PRKAR2A: variants seen among roughly 807,000 people sequenced by gnomAD.
PRKAR2A encodes the protein protein kinase cAMP-dependent type II regulatory subunit alpha, also known as cAMP-dependent protein kinase type II-alpha regulatory subunit.
In PRKAR2A, 29 loss-of-function variants were observed where a neutral mutation model predicts 51.9. The observed-to-expected ratio is 0.56, with a 90% CI of 0.42 to 0.76. PRKAR2A has a LOEUF of 0.76. Among genes scored for constraint, PRKAR2A ranks in the 30% least tolerant of loss-of-function variants. The pLI is 0.00. For synonymous variants in PRKAR2A, 178 were observed against 186.2 expected, an observed-to-expected ratio of 0.96 and a Z score of 0.36; for missense variants, 445 against 512.1, an observed-to-expected ratio of 0.87 and a Z score of 1.26.
intron 1 of PRKAR2A, among the ~76,000 whole-genome samples, chr3:48,839,161 G>A (rs922498766): frequency 1.3e-5 from 2 of 151,932 alleles, no homozygotes; most frequent in Admixed American, 6.6e-5. Context: ...GGTGACACGC[G>A]CCTGTAATCC....
intron 5 of PRKAR2A, among the ~76,000 whole-genome samples, chr3:48,773,926 C>T (rs371288031): frequency 1.3e-5 from 2 of 148,746 alleles, no homozygotes; most frequent in South Asian, 2.2e-4. Flanking sequence ...ATCCTCTCAC[C>T]TCAGCCCCCT....
chr3:48,820,246 A>G (rs1449559161), intron 1 of PRKAR2A, among the ~76,000 whole-genome samples: 1 of 152,226 alleles, frequency 6.6e-6, no homozygotes, highest in Non-Finnish European at 1.5e-5. Context: ...TCATACATGC[A>G]TTTTGGAAAG....
At chr3:48,746,193 A>G (rs534608957), downstream of PRKAR2A, among the ~76,000 whole-genome samples, 3 of 152,026 alleles carry the variant, frequency 2.0e-5, no homozygotes, top group African/African-American at 4.8e-5. Context: ...GCCCACCTCC[A>G]TAACTGTGTG....
chr3:48,828,432 T>G (rs2107428198), intron 1 of PRKAR2A, among the ~76,000 whole-genome samples: 1 of 152,168 alleles, frequency 6.6e-6, no homozygotes, highest in African/African-American at 2.4e-5. Flanking sequence ...AAAAATATTT[T>G]GCTGGATGGG....
chr3:48,781,135 TA>T (rs2082189412), intron 5 of PRKAR2A, among the ~76,000 whole-genome samples: 2 of 144,564 alleles, frequency 1.4e-5, no homozygotes, highest in Non-Finnish European at 3.0e-5. Flanking sequence ...CATGCCTGGC[TA>T]ATTTTTTTTT....
intron 1 of PRKAR2A, among the ~76,000 whole-genome samples, chr3:48,823,719 G>A (rs1037977139): frequency 2.0e-5 from 3 of 147,842 alleles, no homozygotes; most frequent in Non-Finnish European, 3.0e-5. Context: ...CTGGGAGGTC[G>A]AGGCTGCTGC....
At position 48,752,364 on chromosome 3, in the gene PRKAR2A, C is replaced by G. The variant is rs2081664235; in HGVS notation, c.940-47G>C. 3 of 1,591,498 alleles carry G rather than the reference C, an allele frequency of 1.9e-6. No homozygotes were observed. The East Asian group carries it at 6.7e-5, about 36-fold the overall frequency. On this transcript the variant is annotated intron_variant, in intron 9 of 10. Coordinates refer to ENST00000265563, the MANE Select transcript of PRKAR2A (RefSeq NM_004157.4). Reference sequence around the variant, plus strand: ...ACCTAGGCTGACTCCAGGATCACAGCTGGGCATGTCCAGTTGCACACACAT... The same window carrying G: ...ACCTAGGCTGACTCCAGGATCACAGGTGGGCATGTCCAGTTGCACACACAT...
At chr3:48,798,150 G>A (rs1334446902) in intron 2 of PRKAR2A, among the ~76,000 whole-genome samples, 1 of 151,864 alleles carries the variant, frequency 6.6e-6, no homozygotes, top group Non-Finnish European at 1.5e-5. Flanking sequence ...ATGGAGTTTC[G>A]CCATATTGGC....
chr3:48,792,237 G>A (rs556326827), intron 3 of PRKAR2A, among the ~76,000 whole-genome samples: 31 of 151,692 alleles, frequency 2.0e-4, no homozygotes, highest in African/African-American at 7.5e-4. Context: ...CACCTCCCAG[G>A]TTCAAGTGAT....
At chr3:48,756,683 T>G (rs567971838) in intron 8 of PRKAR2A, among the ~76,000 whole-genome samples, 5 of 152,238 alleles carry the variant, frequency 3.3e-5, no homozygotes, top group Non-Finnish European at 5.9e-5. Flanking sequence ...GAGTCAGGCA[T>G]GCAGATATAC....
chr3:48,805,362 G>A (rs1020075204), intron 2 of PRKAR2A, among the ~76,000 whole-genome samples: 1 of 152,240 alleles, frequency 6.6e-6, no homozygotes, highest in Non-Finnish European at 1.5e-5. Context: ...GAAGCCTACA[G>A]GGCAAGCCAA....
intron 8 of PRKAR2A, among the ~76,000 whole-genome samples, chr3:48,761,477 A>G (rs1195797061): frequency 1.3e-5 from 2 of 152,230 alleles, no homozygotes; most frequent in South Asian, 2.1e-4. Flanking sequence ...TTTTGAAGAC[A>G]GTATTAAAAA....
At chr3:48,808,216 T>C (rs1174512246) in intron 1 of PRKAR2A, among the ~76,000 whole-genome samples, 1 of 140,400 alleles carries the variant, frequency 7.1e-6, no homozygotes, top group African/African-American at 2.7e-5. Context: ...CCCGGCTATA[T>C]TTTTGTATTT....
chr3:48,752,465 A>T, intron 9 of PRKAR2A, 148 bp from the exon 10 acceptor site: 1 of 825,246 alleles, frequency 1.2e-6, no homozygotes, highest in Non-Finnish European at 1.8e-6. Flanking sequence ...TACCATGTAA[A>T]CTCCATGGAC....
At chr3:48,826,182 C>T (rs2083060624) in intron 1 of PRKAR2A, among the ~76,000 whole-genome samples, 1 of 152,090 alleles carries the variant, frequency 6.6e-6, no homozygotes, top group African/African-American at 2.4e-5. Context: ...AGGAGGATTG[C>T]CTGAGCCCGG....
At chr3:48,810,267 T>C (rs2082749853) in intron 1 of PRKAR2A, among the ~76,000 whole-genome samples, 1 of 152,048 alleles carries the variant, frequency 6.6e-6, no homozygotes, top group South Asian at 2.1e-4. Flanking sequence ...TAGATGAATA[T>C]ATACATATAT....
chr3:48,750,917 C>G lies in PRKAR2A; in HGVS notation c.*668G>C, dbSNP rs1288970474. The G allele has an allele frequency of 6.3e-6, 1 of 159,110 alleles. No individual in the cohort carries two copies. Among genetic ancestry groups the G allele is most frequent in the Non-Finnish European group, 1.4e-5 (1 of 72,200 alleles). The allele number at this position is 159,110 out of a possible 1,614,324, so 9.9% of individuals were successfully genotyped here. On this transcript the variant is annotated 3_prime_UTR_variant, in exon 11 of 11. Transcript: ENST00000265563. The stretch of plus-strand genomic sequence containing the variant: ...CTGCTCTAACATGGGTCCCACGGAC[C>G]TATCAGTCTGCTCTGGGGTGCTGAC...
At chr3:48,844,752 C>T (rs2083434846) in intron 1 of PRKAR2A, among the ~76,000 whole-genome samples, 1 of 149,248 alleles carries the variant, frequency 6.7e-6, no homozygotes, top group African/African-American at 2.5e-5. Flanking sequence ...AAACCAAACA[C>T]CGCATGTTCT....
Position 48,773,114 on chromosome 3 carries a change from A to G in PRKAR2A, c.543-6T>C. On this transcript the variant is annotated splice_region_variant and splice_polypyrimidine_tract_variant and intron_variant, in intron 5 of 10. Coordinates refer to ENST00000265563, the MANE Select transcript of PRKAR2A (RefSeq NM_004157.4). ...CTAAAATGTCATAAGTTCCCCTAGAAGAATGACAAAGAATAATTTAATTAG... is the reference window on the plus strand; with the variant it reads ...CTAAAATGTCATAAGTTCCCCTAGAGGAATGACAAAGAATAATTTAATTAG... 1.3e-6 allele frequency: 2 copies of G among 1,590,242 alleles called. No individual in the cohort carries two copies. Among genetic ancestry groups the G allele is most frequent in the Non-Finnish European group, 1.7e-6 (2 of 1,161,772 alleles).
Sources: gnomAD v4.1 joint callset for allele counts (sites outside exome capture counted in the v4.1 genomes callset) on GRCh38, gnomAD v4.1.1 for gene constraint, MANE v1.5 for transcripts, NCBI Gene and HGNC (gene_info 2026-07-23, HGNC 2026-07-21) for gene names.